ERBB2: variants seen among roughly 807,000 people sequenced by gnomAD.
ERBB2 encodes the protein receptor tyrosine-protein kinase erbB-2.
A neutral mutation model predicts 149.0 loss-of-function variants in ERBB2; 61 were observed. The ratio of observed to expected loss-of-function variants is 0.41; its 90% CI spans 0.33 to 0.51. The LOEUF is 0.51. Ranked by LOEUF, ERBB2 falls within the 20% of genes least tolerant of loss-of-function variation. ERBB2 has a pLI of 0.25. For synonymous variants in ERBB2, 633 were observed against 678.8 expected, an observed-to-expected ratio of 0.93 and a Z score of 1.05; for missense variants, 1,205 against 1,655.1, an observed-to-expected ratio of 0.73 and a Z score of 4.72.
rs2143082810 is a variant in ERBB2 at position 39,725,875 on chromosome 17, G to A, written c.2872+22G>A. The A allele has an allele frequency of 6.2e-7, 1 of 1,612,294 alleles. No individual in the cohort carries two copies. The highest frequency in any genetic ancestry group is 8.5e-7 in the Non-Finnish European group (1 of 1,179,364). ...AAATGTGCGTGGCTGAGCTGTGCTG[G>A]CTGCCTGGAGGAGGGTGGGAGGTCC... is the stretch of plus-strand genomic sequence containing the variant. On this transcript the variant is annotated intron_variant, in intron 23 of 26. Transcript: ENST00000269571. The surrounding 1 kb of genome is among the most constrained non-coding windows in gnomAD (Gnocchi z 4.6).
chr17:39,694,271 G>T (rs1459969212), upstream of ERBB2, among the ~76,000 whole-genome samples: 1 of 26,662 alleles, frequency 3.8e-5, no homozygotes, highest in South Asian at 1.8e-3. Context: ...ATATATATGT[G>T]TGTATATATA....
chr17:39,704,401 C>T (rs1241612325), intron 1 of ERBB2, among the ~76,000 whole-genome samples: 7 of 152,058 alleles, frequency 4.6e-5, no homozygotes, highest in East Asian at 1.9e-4. Flanking sequence ...TGGTGAAACC[C>T]GCCTCAACTA....
chr17:39,692,831 C>T (rs1029095666), upstream of ERBB2, among the ~76,000 whole-genome samples: 9 of 151,470 alleles, frequency 5.9e-5, no homozygotes, highest in Non-Finnish European at 1.2e-4. Context: ...AGGCCGAGGC[C>T]GGCGGCAGAT....
chr17:39,696,272 C>T (rs905565302), upstream of ERBB2, among the ~76,000 whole-genome samples: 4 of 152,040 alleles, frequency 2.6e-5, no homozygotes, highest in Non-Finnish European at 5.9e-5. Context: ...CGGCCCCTCT[C>T]GAGCCTCCTC....
intron 1 of ERBB2, 41 bp from the exon 2 acceptor site, chr17:39,706,949 C>T (rs2058478128): frequency 6.8e-7 from 1 of 1,480,172 alleles, no homozygotes; most frequent in South Asian, 1.4e-5. Context: ...TGAGAAGGTC[C>T]CCCGCCAGTG....
chr17:39,688,310 G>A (rs2057606677), intron 1 of ERBB2: 4 of 294,676 alleles, frequency 1.4e-5, no homozygotes, highest in African/African-American at 2.2e-5. Flanking sequence ...ACCCCTGTCG[G>A]ATTTTACTTC....
In ERBB2 at chr17:39,725,980, C is replaced by T; in HGVS notation, c.2872+127C>T. On this transcript the variant is annotated intron_variant, in intron 23 of 26. Coordinates refer to ENST00000269571, the MANE Select transcript of ERBB2 (RefSeq NM_004448.4). The surrounding 1 kb of genome is among the most constrained non-coding windows in gnomAD (Gnocchi z 4.6). The stretch of plus-strand genomic sequence containing the variant: ...AGGAGCCCTAGTATGTTAGGAGCCT[C>T]AAAACCTTCTTGTATCCCTTTTACA... 1.1e-6 allele frequency: 1 copy of T among 951,422 alleles called. No homozygotes were observed. The highest frequency in any genetic ancestry group is 1.6e-6 in the Non-Finnish European group (1 of 629,140). 58.9% of individuals were successfully genotyped at this position (951,422 alleles called of 1,614,324 possible).
Position 39,725,239 on chromosome 17 carries a change from G to A in ERBB2, c.2649+35G>A, listed in dbSNP as rs2145869940. 5 of 1,613,898 alleles carry A rather than the reference G, an allele frequency of 3.1e-6. No homozygotes were observed. Among genetic ancestry groups the A allele is most frequent in the Non-Finnish European group, 4.2e-6 (5 of 1,179,814 alleles). On this transcript the variant is annotated intron_variant, in intron 21 of 26. Transcript: ENST00000269571. The surrounding 1 kb of genome is among the most constrained non-coding windows in gnomAD (Gnocchi z 4.6). Reference sequence around the variant, plus strand: ...AGGACCAAGGAGCAGAGGAGGCTGGGTGGAGTGGTGTCTAGCCCATGGGAG... The same window carrying A: ...AGGACCAAGGAGCAGAGGAGGCTGGATGGAGTGGTGTCTAGCCCATGGGAG...
intron 9 of ERBB2, among the ~76,000 whole-genome samples, chr17:39,713,482 G>A (rs1163643990): frequency 6.6e-6 from 1 of 151,580 alleles, no homozygotes; most frequent in African/African-American, 2.4e-5. Flanking sequence ...CAGGCACGGT[G>A]GCTCACGCCT....
intron 2 of ERBB2, among the ~76,000 whole-genome samples, chr17:39,689,845 G>A (rs1241029250): frequency 2.0e-5 from 3 of 151,154 alleles, no homozygotes; most frequent in African/African-American, 7.3e-5. Flanking sequence ...GGCAGAGGTT[G>A]TGGTGAGCCA....
rs1243571386 is a variant in ERBB2 at position 39,727,026 on chromosome 17, T to C, written c.3159+23T>C. 1 of 1,552,316 alleles carries C rather than the reference T, an allele frequency of 6.4e-7. No individual in the cohort carries two copies. The highest frequency in any genetic ancestry group is 2.3e-5 in the East Asian group (1 of 44,372). On this transcript the variant is annotated intron_variant, in intron 25 of 26. Coordinates refer to ENST00000269571, the MANE Select transcript of ERBB2 (RefSeq NM_004448.4). The surrounding 1 kb of genome is among the most constrained non-coding windows in gnomAD (Gnocchi z 4.3). ...AGGGTCAGTGCCCTCGGTCACACTG[T>C]GTGGCTGTCTGCTTACCTCCCCCAA...
upstream of ERBB2, among the ~76,000 whole-genome samples, chr17:39,691,510 C>G (rs1290025726): frequency 6.8e-6 from 1 of 147,830 alleles, no homozygotes; most frequent in South Asian, 2.1e-4. Flanking sequence ...TGCCACTGCA[C>G]TCCAGCCTGG....
At chr17:39,699,702 C>A, upstream of ERBB2, 1 of 752,296 alleles carries the variant, frequency 1.3e-6, no homozygotes, top group South Asian at 1.6e-5. Context: ...TGCAAGCTCC[C>A]CAGGAAAGTT....
intron 1 of ERBB2, among the ~76,000 whole-genome samples, chr17:39,702,978 G>A (rs748642077): frequency 2.0e-5 from 3 of 152,252 alleles, no homozygotes; most frequent in Non-Finnish European, 4.4e-5. Flanking sequence ...GCAGGCAGGT[G>A]GCCAGATGGG....
rs1259545676 is a variant in ERBB2 at position 39,717,499 on chromosome 17, T to G, written c.1898+19T>G. ...CCCACTCGTGAGTCCAACGGTCTTT[T>G]CTGCAGAAAGGAGGACTTTCCTTTC... On this transcript the variant is annotated intron_variant, in intron 15 of 26. Transcript: ENST00000269571. The G allele has an allele frequency of 1.3e-6, 2 of 1,588,536 alleles. No homozygotes were observed. The highest frequency in any genetic ancestry group is 1.7e-6 in the Non-Finnish European group (2 of 1,162,346).
In ERBB2 at chr17:39,707,066, C is replaced by A. The variant is rs2145407678; in HGVS notation, c.150C>A (p.Tyr50Ter). 6.2e-7 allele frequency: 1 copy of A among 1,608,050 alleles called. No individual in the cohort carries two copies. The highest frequency in any genetic ancestry group is 8.5e-7 in the Non-Finnish European group (1 of 1,177,358). The change falls in exon 2 of 27, where the codon TAC (tyrosine) becomes TAA (stop). Residue 50 changes from tyrosine (Y) to a stop codon, truncating the protein, a stop_gained. Coordinates refer to ENST00000269571, the MANE Select transcript of ERBB2 (RefSeq NM_004448.4). LOFTEE classifies it high-confidence loss of function. ...ETHLDMLRHLYQGCQVVQGNL... is the reference protein window; with the variant it reads ...ETHLDMLRHL Reference sequence around the variant, plus strand: ...ACCTGGACATGCTCCGCCACCTCTACCAGGGCTGCCAGGTGGTGCAGGGAA... The same window carrying A: ...ACCTGGACATGCTCCGCCACCTCTAACAGGGCTGCCAGGTGGTGCAGGGAA...
upstream of ERBB2, among the ~76,000 whole-genome samples, chr17:39,698,551 G>A (rs959603725): frequency 6.6e-6 from 1 of 152,132 alleles, no homozygotes; most frequent in African/African-American, 2.4e-5. Flanking sequence ...GAGCCACCGC[G>A]ACTGGCCAGA....
chr17:39,705,902 G>A (rs2058402027), intron 1 of ERBB2, among the ~76,000 whole-genome samples: 1 of 152,150 alleles, frequency 6.6e-6, no homozygotes, highest in Non-Finnish European at 1.5e-5. Flanking sequence ...GGGCCTGAGG[G>A]TGCCCTCTGC....
rs773559733 is a variant in ERBB2, at chr17:39,715,267, C to T, written c.1149-19C>T. 6.2e-7 allele frequency: 1 copy of T among 1,612,860 alleles called. No individual in the cohort carries two copies. The highest frequency in any genetic ancestry group is 8.5e-7 in the Non-Finnish European group (1 of 1,179,094). On this transcript the variant is annotated intron_variant, in intron 9 of 26. Transcript: ENST00000269571. Reference sequence around the variant, plus strand: ...CACCCTGTTCCTGGCCCTGCTGACTCCTCTCCTGACCCCTCCAGGGACCCA... The same window carrying T: ...CACCCTGTTCCTGGCCCTGCTGACTTCTCTCCTGACCCCTCCAGGGACCCA...
Sources: gnomAD v4.1 joint callset for allele counts (sites outside exome capture counted in the v4.1 genomes callset) on GRCh38, gnomAD v4.1.1 for gene constraint, Gnocchi (gnomAD v3.1) non-coding constraint, MANE v1.5 for transcripts, NCBI Gene and HGNC (gene_info 2026-07-23, HGNC 2026-07-21) for gene names.